Variants in CCDC88B observed in about 807,000 individuals in gnomAD.
CCDC88B encodes coiled-coil and HOOK domain protein 88B.
In CCDC88B, 138 loss-of-function variants were observed where a neutral mutation model predicts 183.7. The observed-to-expected ratio is 0.75, with a 90% CI of 0.65 to 0.87. CCDC88B has a LOEUF of 0.87. Among genes scored for constraint, CCDC88B ranks in the 40% least tolerant of loss-of-function variants. The probability of loss-of-function intolerance (pLI) is 0.00; values close to 1 mark genes in which losing one functional copy is unlikely to be tolerated. For synonymous variants in CCDC88B, 835 were observed against 867.5 expected (o/e 0.96, Z 0.66); for missense variants, 1,822 against 1,965.6 (o/e 0.93, Z 1.38).
intron 14 of CCDC88B, chr11:64,349,062 C>T (rs1364258882): frequency 2.8e-6 from 2 of 716,952 alleles, no homozygotes; most frequent in East Asian, 5.4e-5. Flanking sequence ...GGTGACGGCA[C>T]TTGCCCAACA....
At chr11:64,354,714 CT>C (rs2036480145) in intron 24 of CCDC88B, among the ~76,000 whole-genome samples, 1 of 132,240 alleles carries the variant, frequency 7.6e-6, no homozygotes, top group Non-Finnish European at 1.6e-5. Context: ...GACCCCTCCC[CT>C]GCATGAACCT....
rs759163195 is a variant in CCDC88B at position 64,353,095 on chromosome 11, A to G, written c.3542A>G (p.Glu1181Gly). ...LLAELSRERG[E>G]LQGERGELRG... ...GCAGAGTTGTCTCGGGAGCGGGGTG[A>G]GCTGCAGGGTGAACGCGGGGAGCTA... The change falls in exon 21 of 27, where the codon GAG becomes GGG. Residue 1181 changes from glutamate to glycine, a missense_variant. Coordinates refer to ENST00000356786, the MANE Select transcript of CCDC88B (RefSeq NM_032251.6). The G allele has an allele frequency of 6.2e-7, 1 of 1,606,874 alleles. No individual in the cohort carries two copies.
Position 64,349,317 on chromosome 11 carries a change from C to A in CCDC88B, c.2617-14C>A. 6.3e-7 allele frequency: 1 copy of A among 1,589,370 alleles called. No homozygotes were observed. The highest frequency in any genetic ancestry group is 8.6e-7 in the Non-Finnish European group (1 of 1,168,896). ...CCTGCCCCCTTGCCCTGAGCCTGCT[C>A]TGCTTGCCCTCAGGAGCTGGAGAAA... On this transcript the variant is annotated splice_polypyrimidine_tract_variant and intron_variant, in intron 14 of 26. Transcript: ENST00000356786.
chr11:64,346,978 T>G (rs1191638076), intron 14 of CCDC88B, among the ~76,000 whole-genome samples: 1 of 151,528 alleles, frequency 6.6e-6, no homozygotes, highest in South Asian at 2.1e-4. Flanking sequence ...GAATTTTTAG[T>G]AGAGACAGGG....
At chr11:64,354,283 G>A in intron 24 of CCDC88B, 113 bp downstream of exon 24, 1 of 911,800 alleles carries the variant, frequency 1.1e-6, no homozygotes, top group Non-Finnish European at 1.5e-6. Flanking sequence ...GGCCTTCCCT[G>A]AGGCCTGCCC....
chr11:64,355,507 T>A (rs2036521289), intron 25 of CCDC88B, 53 bp from the exon 26 acceptor site: 1 of 1,606,146 alleles, frequency 6.2e-7, no homozygotes, highest in Non-Finnish European at 8.5e-7. Context: ...TCCTGCAAGC[T>A]CTGTCCACTT....
intron 11 of CCDC88B, 88 bp downstream of exon 11, chr11:64,343,413 C>T: frequency 1.3e-6 from 2 of 1,539,336 alleles, no homozygotes; most frequent in South Asian, 1.2e-5. Context: ...ATTCTTGCAA[C>T]CTCTGCTCTT....
At chr11:64,349,295 G>T in intron 14 of CCDC88B, 36 bp from the exon 15 acceptor site, 2 of 1,541,200 alleles carry the variant, frequency 1.3e-6, no homozygotes, top group South Asian at 1.2e-5. Context: ...GCTGTCTCCT[G>T]CCCCCTTGCC....
At position 64,352,807 on chromosome 11, in the gene CCDC88B, G is replaced by A. The variant is rs1565057242; in HGVS notation, c.3420G>A (p.Glu1140=). The part of the protein sequence containing the change: ...VEAQEVALLA[E]RERLMQDGHR... ...CACAGGAGGTGGCCCTGCTGGCAGA[G>A]CGTGAACGCCTGATGCAAGATGGGC... The change falls in exon 20 of 27, where the codon GAG becomes GAA. Residue 1140 remains glutamate (E), a synonymous_variant. Transcript: ENST00000356786. The A allele has an allele frequency of 1.2e-6, 2 of 1,613,340 alleles. No homozygotes were observed. Among genetic ancestry groups the A allele is most frequent in the Non-Finnish European group, 1.7e-6 (2 of 1,179,940 alleles).
In CCDC88B at chr11:64,349,435, A is replaced by T; in HGVS notation, c.2721A>T (p.Arg907=). ...CTCTCGAGCGCCAGGAATTTCTGCGAGAAAAGGAAAGCCAGCACCAGAGGT... is the reference window on the plus strand; with the variant it reads ...CTCTCGAGCGCCAGGAATTTCTGCGTGAAAAGGAAAGCCAGCACCAGAGGT... ...QAALERQEFL[R]EKESQHQRYQ... Residue 907 remains arginine, a synonymous_variant, in exon 15 of 27, where the codon CGA becomes CGT. Coordinates refer to ENST00000356786, the MANE Select transcript of CCDC88B (RefSeq NM_032251.6). 6.2e-7 allele frequency: 1 copy of T among 1,612,546 alleles called. No homozygotes were observed. Among genetic ancestry groups the T allele is most frequent in the Non-Finnish European group, 8.5e-7 (1 of 1,179,608 alleles).
rs1055958937 is a variant in CCDC88B at position 64,345,003 on chromosome 11, C to T, written c.2462C>T (p.Ala821Val). 29 of 1,546,022 alleles carry T rather than the reference C, an allele frequency of 1.9e-5. No homozygotes were observed. Among genetic ancestry groups the T allele is most frequent in the African/African-American group, 5.5e-5 (4 of 73,306 alleles). ...REALVEALAA[A>V]GRERRQWERE... ...GCGCTGGTGGAGGCGCTGGCAGCAG[C>T]GGGCCGGGAGCGGAGGCAGTGGGAG... Residue 821 changes from alanine to valine, a missense_variant, in exon 14 of 27, where the codon GCG (alanine) becomes GTG (valine). Coordinates refer to ENST00000356786, the MANE Select transcript of CCDC88B (RefSeq NM_032251.6).
chr11:64,342,389 C>G lies in CCDC88B; in HGVS notation c.903+14C>G, dbSNP rs758780935. 14 of 1,567,216 alleles carry G rather than the reference C, an allele frequency of 8.9e-6. No homozygotes were observed. The South Asian group carries it at 1.2e-4, about 13-fold the overall frequency. On this transcript the variant is annotated intron_variant, in intron 9 of 26. Coordinates refer to ENST00000356786, the MANE Select transcript of CCDC88B (RefSeq NM_032251.6). ...CTCCGCCAGGAGGTGCGCTCACATG[C>G]TCCCCGCCACCGCGGCATTCCCTAA...
At chr11:64,349,167 G>A (rs1732437247) in intron 14 of CCDC88B, 164 bp from the exon 15 acceptor site, 1 of 855,134 alleles carries the variant, frequency 1.2e-6, no homozygotes, top group African/African-American at 1.7e-5. Flanking sequence ...AAGGGCCCCA[G>A]GCTTTGCTCC....
intron 24 of CCDC88B, 23 bp downstream of exon 24, chr11:64,354,193 C>T: frequency 7.5e-7 from 1 of 1,327,724 alleles, no homozygotes; most frequent in Non-Finnish European, 9.7e-7. Context: ...GTCAGGTGGC[C>T]AGGATGGTCC....
rs1428396148 is a variant in CCDC88B, at chr11:64,340,273, G to C, written c.7G>C (p.Gly3Arg). 1 of 1,266,954 alleles carries C rather than the reference G, an allele frequency of 7.9e-7. No homozygotes were observed. The highest frequency in any genetic ancestry group is 3.3e-5 in the South Asian group (1 of 30,108). The allele number at this position is 1,266,954 out of a possible 1,614,324, so 78.5% of individuals were successfully genotyped here. ME[G>R]GKGPRLRDFL... ...CGGGCACCCCGACCCGGGCATGGAG[G>C]GGGGCAAGGGGCCCAGGCTCAGAGA... The change falls in exon 1 of 27, where the codon GGG (glycine) becomes CGG (arginine). Residue 3 changes from glycine (G) to arginine (R), a missense_variant. By Grantham distance (125) the Gly-to-Arg change is moderately radical. Coordinates refer to ENST00000356786, the MANE Select transcript of CCDC88B (RefSeq NM_032251.6).
Position 64,353,751 on chromosome 11 carries a change from G to A in CCDC88B, c.3870G>A (p.Lys1290=), listed in dbSNP as rs769066962. 1 of 1,614,132 alleles carries A rather than the reference G, an allele frequency of 6.2e-7. No individual in the cohort carries two copies. Among genetic ancestry groups the A allele is most frequent in the East Asian group, 2.2e-5 (1 of 44,884 alleles). ...QLNALRREKQ[K]LVEKIMDQYR... ...ATGCCCTGCGCCGCGAGAAGCAGAA[G>A]CTCGTGGAGAAGATCATGGACCAAT... The change falls in exon 23 of 27, where the codon AAG becomes AAA. Residue 1290 remains lysine (K), a synonymous_variant. Transcript: ENST00000356786.
Position 64,343,166 on chromosome 11 carries a change from G to C in CCDC88B, c.1063-13G>C, listed in dbSNP as rs201489781. 20 of 1,520,828 alleles carry C rather than the reference G, an allele frequency of 1.3e-5. No homozygotes were observed. The East Asian group carries it at 4.9e-4, about 38-fold the overall frequency. The allele number at this position is 1,520,828 out of a possible 1,614,324, so 94.2% of individuals were successfully genotyped here. ...GGCTGCGTGGCTACCGGTTCTCCCT[G>C]CTCTCCCACCAGGAGGAGCGGGTGC... On this transcript the variant is annotated splice_polypyrimidine_tract_variant and intron_variant, in intron 10 of 26. Transcript: ENST00000356786.
At chr11:64,352,614 C>T (rs1452322729) in intron 19 of CCDC88B, 130 bp from the exon 20 acceptor site, 31 of 1,436,816 alleles carry the variant, frequency 2.2e-5, no homozygotes, top group Non-Finnish European at 2.9e-5. Flanking sequence ...GCATTCTGCC[C>T]AATGGCTTCC....
intron 16 of CCDC88B, chr11:64,350,454 G>A (rs563841646): frequency 6.6e-6 from 1 of 152,020 alleles, no homozygotes; most frequent in African/African-American, 2.4e-5. Context: ...GGATCATGAG[G>A]TCAGGAGATC....
Sources: allele counts gnomAD v4.1 joint callset (sites outside exome capture counted in the v4.1 genomes callset), GRCh38; gene constraint gnomAD v4.1.1; transcripts MANE v1.5; gene names NCBI Gene and HGNC (gene_info 2026-07-23, HGNC 2026-07-21).